ERMARD: variants seen among roughly 807,000 people sequenced by gnomAD.
ERMARD encodes ER membrane associated RNA degradation.
A neutral mutation model predicts 83.9 loss-of-function variants in ERMARD; 71 were observed. That is an observed-to-expected ratio of 0.85 (90% CI 0.70 to 1.03). ERMARD has a LOEUF of 1.03. ERMARD is among the 50% of genes least tolerant of loss of function. The pLI is 0.00. For missense variants in ERMARD, 838 were observed against 810.9 expected, an observed-to-expected ratio of 1.03 and a Z score of -0.41; for synonymous variants, 284 against 298.6, an observed-to-expected ratio of 0.95 and a Z score of 0.50.
chr6:169,752,335 A>C (rs1352406002), intron 1 of ERMARD, among the ~76,000 whole-genome samples: 1 of 152,198 alleles, frequency 6.6e-6, no homozygotes, highest in Non-Finnish European at 1.5e-5. Context: ...TATTTCACTT[A>C]GAACTGAGAT....
At chr6:169,776,737 T>G (rs1793653150) in intron 16 of ERMARD, 64 bp downstream of exon 16, 2 of 1,571,112 alleles carry the variant, frequency 1.3e-6, no homozygotes, top group East Asian at 4.6e-5. Flanking sequence ...CAGATGCAGT[T>G]CTAGTCCTCA....
chr6:169,766,164 G>A (rs1792179368), intron 9 of ERMARD, among the ~76,000 whole-genome samples: 1 of 152,264 alleles, frequency 6.6e-6, no homozygotes, highest in South Asian at 2.1e-4. Flanking sequence ...TCTAGAAAAT[G>A]TTGCAGTTGG....
intron 9 of ERMARD, among the ~76,000 whole-genome samples, chr6:169,764,961 A>G (rs907741610): frequency 6.6e-6 from 1 of 152,122 alleles, no homozygotes; most frequent in African/African-American, 2.4e-5. Flanking sequence ...ACTCGTGTGC[A>G]TTTCTGCAGA....
intron 5 of ERMARD, among the ~76,000 whole-genome samples, chr6:169,757,747 C>G (rs549610957): frequency 6.6e-6 from 1 of 152,326 alleles, no homozygotes; most frequent in Non-Finnish European, 1.5e-5. Context: ...GTAAAGAAAT[C>G]TGTCTTCAGT....
Position 169,754,019 on chromosome 6 carries a change from C to A in ERMARD, c.162C>A (p.Ser54Arg). 1 of 1,611,544 alleles carries A rather than the reference C, an allele frequency of 6.2e-7. No individual in the cohort carries two copies. Among genetic ancestry groups the A allele is most frequent in the Non-Finnish European group, 8.5e-7 (1 of 1,178,432 alleles). Residue 54 changes from serine (S) to arginine (R), a missense_variant, in exon 2 of 18, where the codon AGC becomes AGA. Physicochemically the swap from Ser to Arg is moderately radical, Grantham distance 110. Transcript: ENST00000366773. ...GGAAAACAATCACAGACTGTGTGAG[C>A]TACACAGAGTCAGGTTTGTGCTGTC... ...VCWKTITDCV[S>R]YTESEQGLDY...
At chr6:169,775,166 A>G (rs1336784551) in intron 13 of ERMARD, 104 bp from the exon 14 acceptor site, 1 of 1,188,200 alleles carries the variant, frequency 8.4e-7, no homozygotes, top group East Asian at 2.5e-5. Context: ...AGAATTTGTA[A>G]TAATTTACGT....
intron 16 of ERMARD, among the ~76,000 whole-genome samples, chr6:169,778,931 C>T (rs1378681165): frequency 6.6e-6 from 1 of 152,220 alleles, no homozygotes; most frequent in African/African-American, 2.4e-5. Context: ...GTAGACCGGG[C>T]GCCTCAGATG....
intron 2 of ERMARD, 96 bp downstream of exon 2, chr6:169,754,128 T>A (rs575544012): frequency 8.3e-7 from 1 of 1,208,828 alleles, no homozygotes; most frequent in East Asian, 2.4e-5. Flanking sequence ...GTTCCTTTTG[T>A]TAGATAATGT....
At chr6:169,776,713 G>A (rs369987035) in intron 16 of ERMARD, 40 bp downstream of exon 16, 15 of 1,604,640 alleles carry the variant, frequency 9.3e-6, no homozygotes, top group Non-Finnish European at 1.3e-5. Flanking sequence ...GCACTGTGGG[G>A]CAGGAAGTTG....
intron 3 of ERMARD, 147 bp downstream of exon 3, chr6:169,755,569 T>G: frequency 1.1e-6 from 1 of 925,924 alleles, no homozygotes; most frequent in South Asian, 1.9e-5. Context: ...CCCTGGGCTA[T>G]TATGCAGGGT....
Position 169,776,673 on chromosome 6 carries a change from G to C in ERMARD, c.1739G>C (p.Ser580Thr), listed in dbSNP as rs1318640298. 6.2e-7 allele frequency: 1 copy of C among 1,613,090 alleles called. No homozygotes were observed. The highest frequency in any genetic ancestry group is 8.5e-7 in the Non-Finnish European group (1 of 1,179,950). Residue 580 changes from serine (S) to threonine (T), a missense_variant and splice_region_variant, in exon 16 of 18, where the codon AGT (serine) becomes ACT (threonine). Coordinates refer to ENST00000366773, the MANE Select transcript of ERMARD (RefSeq NM_018341.3). ...QRQNYLRMWSSIRLLSPVLSL... is the reference protein window; with the variant it reads ...QRQNYLRMWSTIRLLSPVLSL... ...CAGAACTACCTGCGTATGTGGAGTAGGTGCGCGCTCACTTTCCTGTTTTGG... is the reference window on the plus strand; with the variant it reads ...CAGAACTACCTGCGTATGTGGAGTACGTGCGCGCTCACTTTCCTGTTTTGG...
At chr6:169,771,342 C>G (rs1305120040) in intron 12 of ERMARD, 1 of 152,150 alleles carries the variant, frequency 6.6e-6, no homozygotes, top group Non-Finnish European at 1.5e-5. Flanking sequence ...CTCGGCCTCC[C>G]AAAGTGCTGG....
At chr6:169,773,091 G>A in intron 12 of ERMARD, 1 of 447,864 alleles carries the variant, frequency 2.2e-6, no homozygotes. Flanking sequence ...GGTGGGTGTG[G>A]CATTTGTGAT....
intron 3 of ERMARD, 131 bp downstream of exon 3, chr6:169,755,553 A>T: frequency 3.5e-6 from 4 of 1,149,854 alleles, no homozygotes; most frequent in African/African-American, 1.6e-5. Context: ...GAGGGTTGTA[A>T]GAGAACCCTG....
intron 9 of ERMARD, among the ~76,000 whole-genome samples, chr6:169,762,966 C>T (rs1791741618): frequency 1.3e-5 from 2 of 152,164 alleles, no homozygotes; most frequent in South Asian, 4.1e-4. Context: ...GGTGTGGTGC[C>T]AGCCCTGCAG....
At chr6:169,772,685 G>A (rs992084650) in intron 12 of ERMARD, among the ~76,000 whole-genome samples, 8 of 149,860 alleles carry the variant, frequency 5.3e-5, no homozygotes, top group Admixed American at 1.3e-4. Context: ...CAGGAGAATC[G>A]CTTGAACCTG....
In ERMARD at chr6:169,775,366, C is replaced by G; in HGVS notation, c.1394+20C>G. ...CGTCAGGTGCGTGGCATCCTGGGGC[C>G]TGGCTGACCTCAAGCTTGTCTGGTA... On this transcript the variant is annotated intron_variant, in intron 14 of 17. Transcript: ENST00000366773. 6.2e-7 allele frequency: 1 copy of G among 1,613,448 alleles called. No homozygotes were observed. The highest frequency in any genetic ancestry group is 1.1e-5 in the South Asian group (1 of 90,994).
At chr6:169,778,872 G>C (rs140895424) in intron 16 of ERMARD, among the ~76,000 whole-genome samples, 3 of 152,238 alleles carry the variant, frequency 2.0e-5, no homozygotes, top group Admixed American at 6.5e-5. Context: ...GGCGCAGACT[G>C]TACCTGCCTG....
At chr6:169,755,202 T>A (rs1184447613) in intron 2 of ERMARD, 81 bp from the exon 3 acceptor site, 10 of 1,491,224 alleles carry the variant, frequency 6.7e-6, no homozygotes, top group Non-Finnish European at 4.5e-6. Context: ...AATTAAAGCA[T>A]TTTTTTCTTT....
Sources: allele counts gnomAD v4.1 joint callset (sites outside exome capture counted in the v4.1 genomes callset), GRCh38; gene constraint gnomAD v4.1.1; transcripts MANE v1.5; gene names NCBI Gene and HGNC (gene_info 2026-07-23, HGNC 2026-07-21).